SHB: variants seen among roughly 807,000 people sequenced by gnomAD.
SHB encodes the protein SH2 domain-containing adapter protein B.
A neutral mutation model predicts 52.3 loss-of-function variants in SHB; 20 were observed. That is an observed-to-expected ratio of 0.38 (90% CI 0.27 to 0.56). The LOEUF is 0.56. Among genes scored for constraint, SHB ranks in the 20% least tolerant of loss-of-function variants. The pLI is 0.71. For missense variants in SHB, 825 were observed against 723.3 expected (o/e 1.14, Z -1.61); for synonymous variants, 397 against 316.5 (o/e 1.25, Z -2.70).
In SHB at chr9:38,065,238, T is replaced by C. The variant is rs138910299; in HGVS notation, c.717+2691A>G. ...TGGCTGGAAATAATGTGAAAACAAC[T>C]GCTTCCTGACTGCCTGATGGGGTGG... On this transcript the variant is annotated intron_variant, in intron 1 of 5. Coordinates refer to ENST00000377707, the MANE Select transcript of SHB (RefSeq NM_003028.3). Among the ~76,000 whole-genome samples the C allele has an allele frequency of 1.7e-3, 265 of 152,332 alleles. 1 individual carries two copies. Among genetic ancestry groups the C allele is most frequent in the South Asian group, 8.3e-3 (40 of 4,824 alleles).
chr9:38,023,085 C>T (rs911980793), intron 1 of SHB, among the ~76,000 whole-genome samples: 2 of 152,204 alleles, frequency 1.3e-5, no homozygotes, highest in South Asian at 2.1e-4. Context: ...CCTGCCATGG[C>T]GGAGGCAGGC....
At position 38,067,211 on chromosome 9, in the gene SHB, A is replaced by C. The variant is rs528303812; in HGVS notation, c.717+718T>G. Among the ~76,000 whole-genome samples, 319 of 152,126 alleles carry C rather than the reference A, an allele frequency of 2.1e-3. 2 individuals are homozygous for C. Among genetic ancestry groups the C allele is most frequent in the African/African-American group, 7.1e-3 (295 of 41,514 alleles). On this transcript the variant is annotated intron_variant, in intron 1 of 5. Coordinates refer to ENST00000377707, the MANE Select transcript of SHB (RefSeq NM_003028.3). ...GAGGTCAGGAAGGAAGCAGGTGAGG[A>C]TAGGAGGGGTGGGGTCTCCTTCCAG...
Position 37,974,668 on chromosome 9 carries a change from G to A in SHB, c.1008C>T (p.Tyr336=), listed in dbSNP as rs754447077. The change falls in exon 3 of 6, where the codon TAC becomes TAT. Residue 336 remains tyrosine, a synonymous_variant. Coordinates refer to ENST00000377707, the MANE Select transcript of SHB (RefSeq NM_003028.3). The part of the protein sequence containing the change: ...PQDDDRPADE[Y]DQPWEWNRVT... ...CCCGGTTCCACTCCCAAGGCTGGTCGTACTCATCGGCGGGCCTGTCGTCAT... is the reference window on the plus strand; with the variant it reads ...CCCGGTTCCACTCCCAAGGCTGGTCATACTCATCGGCGGGCCTGTCGTCAT... 1.4e-5 allele frequency: 23 copies of A among 1,613,848 alleles called. No homozygotes were observed. The highest frequency in any genetic ancestry group is 2.7e-5 in the African/African-American group (2 of 74,922).
intron 1 of SHB, among the ~76,000 whole-genome samples, chr9:38,023,834 T>C (rs1352843453): frequency 1.3e-5 from 2 of 152,102 alleles, no homozygotes; most frequent in Non-Finnish European, 2.9e-5. Flanking sequence ...CACCAGGCTG[T>C]TACACCACTC....
intron 1 of SHB, among the ~76,000 whole-genome samples, chr9:38,017,500 G>C (rs1821228319): frequency 6.6e-6 from 1 of 152,248 alleles, no homozygotes; most frequent in Admixed American, 6.5e-5. Flanking sequence ...CAGCTGCCAG[G>C]AATGTGATGC....
intron 1 of SHB, among the ~76,000 whole-genome samples, chr9:38,064,634 G>A (rs1432239743): frequency 1.3e-5 from 2 of 152,148 alleles, no homozygotes; most frequent in East Asian, 3.9e-4. Context: ...AAAACACTGG[G>A]AAACAAAGGA....
intron 5 of SHB, among the ~76,000 whole-genome samples, chr9:37,935,902 GCTTCCTGCTCTGC>G (rs903671502): frequency 2.0e-5 from 3 of 149,348 alleles, no homozygotes; most frequent in African/African-American, 7.5e-5. Context: ...TAGCCAATGA[GCTTCCTGCTCTGC>G]CTCATTAAAG....
chr9:37,980,899 CTT>C (rs1491360223), intron 2 of SHB, among the ~76,000 whole-genome samples: 25 of 95,358 alleles, frequency 2.6e-4, no homozygotes, highest in African/African-American at 1.1e-3. Context: ...TCTTTTTTTC[CTT>C]AAAGTTGGTC....
chr9:38,001,879 G>C (rs1248509423), intron 2 of SHB, among the ~76,000 whole-genome samples: 1 of 152,246 alleles, frequency 6.6e-6, no homozygotes, highest in Non-Finnish European at 1.5e-5. Context: ...GAACAGGAGA[G>C]AAGAGAAAAG....
At chr9:37,998,743 C>T (rs1342906303) in intron 2 of SHB, among the ~76,000 whole-genome samples, 1 of 152,210 alleles carries the variant, frequency 6.6e-6, no homozygotes, top group African/African-American at 2.4e-5. Context: ...GTGAGCTGCC[C>T]TGCCTGTCCT....
chr9:38,044,663 G>A (rs771506835), intron 1 of SHB, among the ~76,000 whole-genome samples: 3 of 152,254 alleles, frequency 2.0e-5, no homozygotes, highest in African/African-American at 4.8e-5. Context: ...AGCCTAAAAT[G>A]TAGAGTCTTG....
At position 37,948,948 on chromosome 9, in the gene SHB, CTT is replaced by C. The variant is rs1260335738; in HGVS notation, c.1227-196_1227-195del. 3.3e-5 allele frequency among the ~76,000 whole-genome samples: 5 copies of C among 152,218 alleles called. No homozygotes were observed. The East Asian group carries it at 9.6e-4, about 29-fold the overall frequency. On this transcript the variant is annotated intron_variant, in intron 4 of 5. Transcript: ENST00000377707. The stretch of plus-strand genomic sequence containing the variant: ...GAGCACAGTGAACAAAACCCAGTCT[CTT>C]TTCACGGGAAGCTTATGCTCTGGTG...
intron 2 of SHB, among the ~76,000 whole-genome samples, chr9:38,002,427 C>T (rs187575828): frequency 4.3e-4 from 65 of 152,294 alleles, no homozygotes; most frequent in South Asian, 8.3e-4. Flanking sequence ...GAACCCTGAC[C>T]GACCTGGACA....
Position 38,068,295 on chromosome 9 carries a change from G to A in SHB, c.351C>T (p.Gly117=). ...GCTGGACCCCGCCTGGCTCCCCGCT[G>A]CCGCCGCAGTAGTCCAGGCGGCACA... ...RAMCRLDYCG[G]SGEPGGVQRA... is the part of the protein sequence containing the mutation. The change falls in exon 1 of 6, where the codon GGC becomes GGT. Residue 117 remains glycine, a synonymous_variant. Coordinates refer to ENST00000377707, the MANE Select transcript of SHB (RefSeq NM_003028.3). 1.3e-6 allele frequency: 2 copies of A among 1,485,344 alleles called. No homozygotes were observed. The highest frequency in any genetic ancestry group is 2.4e-5 in the Admixed American group (1 of 41,524). The allele number at this position is 1,485,344 out of a possible 1,614,324, so 92.0% of individuals were successfully genotyped here. A position where few individuals can be genotyped will look rare whatever the true frequency, so the allele number is the denominator to read the frequency against.
intron 2 of SHB, among the ~76,000 whole-genome samples, chr9:38,003,114 A>C (rs1478789306): frequency 6.6e-6 from 1 of 152,126 alleles, no homozygotes; most frequent in Non-Finnish European, 1.5e-5. Flanking sequence ...AATATTGTCT[A>C]GTTTCCTCTG....
In SHB at chr9:38,049,188, T is replaced by A. The variant is rs544642954; in HGVS notation, c.717+18741A>T. 2.0e-5 allele frequency among the ~76,000 whole-genome samples: 3 copies of A among 152,342 alleles called. No homozygotes were observed. In the South Asian group the frequency reaches 6.2e-4, roughly 32 times the overall value. ...GATGCATGCCACCACACTTGGCTAA[T>A]TTTTAAATTTATTTTGTAGAGATGC... On this transcript the variant is annotated intron_variant, in intron 1 of 5. Coordinates refer to ENST00000377707, the MANE Select transcript of SHB (RefSeq NM_003028.3).
At chr9:37,977,468 G>A (rs568940965) in intron 2 of SHB, among the ~76,000 whole-genome samples, 11 of 152,194 alleles carry the variant, frequency 7.2e-5, no homozygotes, top group Non-Finnish European at 1.6e-4. Flanking sequence ...CTATGAGAAG[G>A]TGTCCCACAC....
At chr9:37,985,072 T>C (rs1257763928) in intron 2 of SHB, among the ~76,000 whole-genome samples, 2 of 152,132 alleles carry the variant, frequency 1.3e-5, no homozygotes, top group Admixed American at 6.5e-5. Context: ...CTGTCATCTC[T>C]TTTCCAGGCA....
intron 4 of SHB, among the ~76,000 whole-genome samples, chr9:37,949,701 G>A (rs1564086029): frequency 6.6e-6 from 1 of 152,194 alleles, no homozygotes; most frequent in Non-Finnish European, 1.5e-5. Context: ...CTGATGGGAG[G>A]GCCACGCTCT....
Sources: gnomAD v4.1 joint callset for allele counts (sites outside exome capture counted in the v4.1 genomes callset) on GRCh38, gnomAD v4.1.1 for gene constraint, MANE v1.5 for transcripts, NCBI Gene and HGNC (gene_info 2026-07-23, HGNC 2026-07-21) for gene names.